CARS1: variants seen among roughly 807,000 people sequenced by gnomAD.
CARS1 encodes cysteinyl-tRNA synthetase 1.
In CARS1, 48 loss-of-function variants were observed where a neutral mutation model predicts 106.2. The ratio of observed to expected loss-of-function variants is 0.45; its 90% CI spans 0.36 to 0.57. CARS1 has a LOEUF of 0.57. Among genes scored for constraint, CARS1 ranks in the 20% least tolerant of loss-of-function variants. The pLI is 0.00. For missense variants in CARS1, 968 were observed against 1,057.2 expected (o/e 0.92, Z 1.17); for synonymous variants, 409 against 403.4 (o/e 1.01, Z -0.17).
intron 19 of CARS1, 144 bp from the exon 20 acceptor site, chr11:3,005,577 A>C: frequency 4.9e-6 from 3 of 609,086 alleles, no homozygotes; most frequent in Non-Finnish European, 8.8e-6. Context: ...AACAAACAAA[A>C]ACCTCCATAG....
chr11:3,024,489 C>A (rs570918541), intron 10 of CARS1, among the ~76,000 whole-genome samples: 1 of 152,240 alleles, frequency 6.6e-6, no homozygotes, highest in South Asian at 2.1e-4. Flanking sequence ...GCTCTGTTGC[C>A]CAGGCTGGAG....
chr11:3,007,230 G>C, intron 18 of CARS1: 1 of 527,994 alleles, frequency 1.9e-6, no homozygotes, highest in South Asian at 2.7e-5. Flanking sequence ...GCAGAGCCAG[G>C]AGGAAGCATA....
At chr11:3,036,107 T>A (rs1853582085) in intron 7 of CARS1, among the ~76,000 whole-genome samples, 1 of 152,222 alleles carries the variant, frequency 6.6e-6, no homozygotes, top group East Asian at 1.9e-4. Flanking sequence ...GCTGCATTTT[T>A]TTCCTGGTGG....
At chr11:3,049,344 C>G (rs921670360) in intron 1 of CARS1, among the ~76,000 whole-genome samples, 2 of 152,178 alleles carry the variant, frequency 1.3e-5, no homozygotes, top group Non-Finnish European at 2.9e-5. Context: ...AGCTCCTTCC[C>G]CTACTGTCAG....
Position 3,044,287 on chromosome 11 carries a change from C to T in CARS1, c.275-2031G>A, listed in dbSNP as rs1854846563. ...CTGGCCACAGCCAGCATTCCTGCTCCCCTAAGGCTGCTATCTCCACACAGC... is the reference window on the plus strand; with the variant it reads ...CTGGCCACAGCCAGCATTCCTGCTCTCCTAAGGCTGCTATCTCCACACAGC... On this transcript the variant is annotated intron_variant, in intron 2 of 22. Coordinates refer to ENST00000380525, the MANE Select transcript of CARS1 (RefSeq NM_001014437.3). This position sits in a 1 kb window ranked among gnomAD's most constrained non-coding sequence, Gnocchi z 4.4. 6.6e-6 allele frequency among the ~76,000 whole-genome samples: 1 copy of T among 152,212 alleles called. No homozygotes were observed. The highest frequency in any genetic ancestry group is 2.1e-4 in the South Asian group (1 of 4,828).
rs1854337281 is a variant in CARS1 at position 3,040,721 on chromosome 11, T to C, written c.455+175A>G. 2 of 692,652 alleles carry C rather than the reference T, an allele frequency of 2.9e-6. No homozygotes were observed. The highest frequency in any genetic ancestry group is 4.9e-6 in the Non-Finnish European group (2 of 406,650). The allele number at this position is 692,652 out of a possible 1,614,324, so 42.9% of individuals were successfully genotyped here. A position where few individuals can be genotyped will look rare whatever the true frequency, so the allele number is the denominator to read the frequency against. On this transcript the variant is annotated intron_variant, in intron 4 of 22. Transcript: ENST00000380525. This position sits in a 1 kb window ranked among gnomAD's most constrained non-coding sequence, Gnocchi z 5.8. ...CAGTGAATATAGATTACTTATGGCATTAAAATTTTCATCTTAAAAATAAGA... is the reference window on the plus strand; with the variant it reads ...CAGTGAATATAGATTACTTATGGCACTAAAATTTTCATCTTAAAAATAAGA...
At chr11:3,025,053 T>C (rs968408383) in intron 10 of CARS1, among the ~76,000 whole-genome samples, 1 of 152,158 alleles carries the variant, frequency 6.6e-6, no homozygotes, top group Non-Finnish European at 1.5e-5. Context: ...TCTAGGGTAG[T>C]GAAGCCTTCT....
chr11:3,007,517 C>T (rs1850006388), intron 18 of CARS1: 1 of 153,000 alleles, frequency 6.5e-6, no homozygotes, highest in Non-Finnish European at 1.5e-5. Flanking sequence ...GGAGCTCGAG[C>T]TCTGTGAGAA....
chr11:3,018,445 G>A lies in CARS1; in HGVS notation c.1592C>T (p.Thr531Ile). ...CTCATATTGAAGCGCTGACTCCATG[G>A]TGTTGCTGGAGTAGTCCAGGGTGTC... is the stretch of plus-strand genomic sequence containing the variant. ...WKDTLDYSSN[T>I]MESALQYEKF... is the part of the protein sequence containing the mutation. The change falls in exon 14 of 23, where the codon ACC (threonine) becomes ATC (isoleucine). Residue 531 changes from threonine to isoleucine, a missense_variant. Transcript: ENST00000380525. 1.2e-6 allele frequency: 2 copies of A among 1,613,788 alleles called. No homozygotes were observed. Among genetic ancestry groups the A allele is most frequent in the South Asian group, 1.1e-5 (1 of 91,072 alleles).
In CARS1 at chr11:3,046,049, G is replaced by A. The variant is rs1855042651; in HGVS notation, c.274+1704C>T. ...TCATTCCTGGCACAAGCAGACCCTG[G>A]CAGCCTCTTGCGCAGCCTGGGTGAT... is the stretch of plus-strand genomic sequence containing the variant. On this transcript the variant is annotated intron_variant, in intron 2 of 22. Transcript: ENST00000380525. The surrounding 1 kb of genome is among the most constrained non-coding windows in gnomAD (Gnocchi z 5.8). 6.6e-6 allele frequency among the ~76,000 whole-genome samples: 1 copy of A among 152,218 alleles called. No homozygotes were observed. The highest frequency in any genetic ancestry group is 2.4e-5 in the African/African-American group (1 of 41,464).
chr11:3,026,736 A>G lies in CARS1; in HGVS notation c.1093T>C (p.Ser365Pro). The G allele has an allele frequency of 6.2e-7, 1 of 1,613,894 alleles. No homozygotes were observed. The highest frequency in any genetic ancestry group is 8.5e-7 in the Non-Finnish European group (1 of 1,179,854). The change falls in exon 10 of 23, where the codon TCC becomes CCC. Residue 365 changes from serine (S) to proline (P), a missense_variant. Coordinates refer to ENST00000380525, the MANE Select transcript of CARS1 (RefSeq NM_001014437.3). ...TAKFASSEKH[S>P]YGKLVPEAVG... ...GCCTCAGGCACCAGCTTCCCATAGG[A>G]GTGCTTCTCGCTAGAAGCAAACTTC...
chr11:3,047,699 C>T, intron 2 of CARS1, 54 bp downstream of exon 2: 1 of 1,558,416 alleles, frequency 6.4e-7, no homozygotes, highest in South Asian at 1.2e-5. Flanking sequence ...TGGAGAAAGC[C>T]CTTGACCTTG....
Position 3,029,228 on chromosome 11 carries a change from C to T in CARS1, c.942+75G>A. On this transcript the variant is annotated intron_variant, in intron 8 of 22. Coordinates refer to ENST00000380525, the MANE Select transcript of CARS1 (RefSeq NM_001014437.3). The surrounding 1 kb of genome is among the most constrained non-coding windows in gnomAD (Gnocchi z 5.9). Reference sequence around the variant, plus strand: ...TGACTTGGCCGCTTAATTGAGCTGGCCTTGCCAAAACAGGAATTTAGAAAT... The same window carrying T: ...TGACTTGGCCGCTTAATTGAGCTGGTCTTGCCAAAACAGGAATTTAGAAAT... 1 of 1,559,274 alleles carries T rather than the reference C, an allele frequency of 6.4e-7. No homozygotes were observed. Among genetic ancestry groups the T allele is most frequent in the Non-Finnish European group, 8.8e-7 (1 of 1,133,238 alleles).
intron 17 of CARS1, among the ~76,000 whole-genome samples, chr11:3,014,116 T>C (rs532430595): frequency 6.6e-6 from 1 of 152,164 alleles, no homozygotes; most frequent in African/African-American, 2.4e-5. Context: ...CAGACAAGCC[T>C]TGGGGAAGGA....
rs536347143 is a variant in CARS1, at chr11:3,008,417, G to C, written c.2069-1458C>G. The C allele has an allele frequency of 6.6e-6, 1 of 152,202 alleles. No individual in the cohort carries two copies. Among genetic ancestry groups the C allele is most frequent in the South Asian group, 2.1e-4 (1 of 4,828 alleles). The allele number at this position is 152,202 out of a possible 1,614,324, so 9.4% of individuals were successfully genotyped here. A position where few individuals can be genotyped will look rare whatever the true frequency, so the allele number is the denominator to read the frequency against. ...GGGTGGATCACAAGGTCAGGAGATC[G>C]AGACCATCCTGGCCAACATGGTGAA... is the stretch of plus-strand genomic sequence containing the variant. On this transcript the variant is annotated intron_variant, in intron 18 of 22. Coordinates refer to ENST00000380525, the MANE Select transcript of CARS1 (RefSeq NM_001014437.3). The surrounding 1 kb of genome is among the most constrained non-coding windows in gnomAD (Gnocchi z 5.1).
intron 7 of CARS1, chr11:3,031,262 C>T (rs1374310915): frequency 1.3e-5 from 2 of 152,032 alleles, no homozygotes; most frequent in Non-Finnish European, 1.5e-5. Context: ...GACATATTTA[C>T]CAATCAAAGA....
At chr11:3,012,537 C>T (rs545632549) in intron 17 of CARS1, among the ~76,000 whole-genome samples, 1 of 152,318 alleles carries the variant, frequency 6.6e-6, no homozygotes, top group Admixed American at 6.5e-5. Context: ...GTGGGTCTGC[C>T]GCCGCTCTGC....
Position 3,040,481 on chromosome 11 carries a change from C to T in CARS1, c.455+415G>A. On this transcript the variant is annotated intron_variant, in intron 4 of 22. Transcript: ENST00000380525. The surrounding 1 kb of genome is among the most constrained non-coding windows in gnomAD (Gnocchi z 5.8). ...CCAGCTACTCGTCAGGAGCTACAGC[C>T]ATGACCATCCAGTGGTCGGGGGGCG... 2 of 469,692 alleles carry T rather than the reference C, an allele frequency of 4.3e-6. No individual in the cohort carries two copies. Among genetic ancestry groups the T allele is most frequent in the Admixed American group, 4.7e-5 (2 of 42,726 alleles). The allele number at this position is 469,692 out of a possible 1,614,324, so 29.1% of individuals were successfully genotyped here. A position where few individuals can be genotyped will look rare whatever the true frequency, so the allele number is the denominator to read the frequency against.
intron 14 of CARS1, 31 bp downstream of exon 14, chr11:3,018,377 A>G (rs1460924150): frequency 1.3e-6 from 2 of 1,506,286 alleles, no homozygotes. Flanking sequence ...AGGCTGCTCC[A>G]CCAACCTCCA....
Sources: allele counts gnomAD v4.1 joint callset (sites outside exome capture counted in the v4.1 genomes callset), GRCh38; gene constraint gnomAD v4.1.1; non-coding constraint Gnocchi (gnomAD v3.1); transcripts MANE v1.5; gene names NCBI Gene and HGNC (gene_info 2026-07-23, HGNC 2026-07-21).